Variants in NSD2 observed in about 807,000 individuals in gnomAD.
NSD2 encodes histone-lysine N-methyltransferase NSD2.
A neutral mutation model predicts 139.0 loss-of-function variants in NSD2; 12 were observed. The observed-to-expected ratio is 0.09, with a 90% CI of 0.06 to 0.14. The LOEUF is 0.14. Among genes scored for constraint, NSD2 ranks in the 10% least tolerant of loss-of-function variants. NSD2 has a pLI of 1.00. For synonymous variants in NSD2, 669 were observed against 648.7 expected, an observed-to-expected ratio of 1.03 and a Z score of -0.48; for missense variants, 1,155 against 1,745.0, an observed-to-expected ratio of 0.66 and a Z score of 6.02.
intron 5 of NSD2, among the ~76,000 whole-genome samples, chr4:1,923,614 T>C (rs1577450898): frequency 6.6e-6 from 1 of 152,356 alleles, no homozygotes; most frequent in South Asian, 2.1e-4. Context: ...CATACAATGC[T>C]GGTGAAACAT....
chr4:1,955,766 C>A lies in NSD2; in HGVS notation c.2592C>A (p.Asp864Glu). The change falls in exon 14 of 22, where the codon GAC (aspartate) becomes GAA (glutamate). Residue 864 changes from aspartate (D) to glutamate (E), a missense_variant. Physicochemically the swap from Asp to Glu is conservative, Grantham distance 45. Coordinates refer to ENST00000508803, the MANE Select transcript of NSD2 (RefSeq NM_001042424.3). This position sits in a 1 kb window ranked among gnomAD's most constrained non-coding sequence, Gnocchi z 4.7. ...ACTGCCTGAACATCGAGATGCCTGA[C>A]GGCAGCTGGTTCTGCAATGACTGCA... Reference protein sequence around the residue: ...HPDCLNIEMPDGSWFCNDCRA... With the variant: ...HPDCLNIEMPEGSWFCNDCRA... 6.2e-7 allele frequency: 1 copy of A among 1,614,102 alleles called. No individual in the cohort carries two copies. The highest frequency in any genetic ancestry group is 8.5e-7 in the Non-Finnish European group (1 of 1,179,988).
intron 5 of NSD2, among the ~76,000 whole-genome samples, chr4:1,925,706 C>T (rs936575130): frequency 6.6e-6 from 1 of 151,752 alleles, no homozygotes; most frequent in African/African-American, 2.4e-5. Context: ...GCCTAGAGGT[C>T]ACTTTCTAGC....
intron 1 of NSD2, chr4:1,892,679 C>T (rs1715683976): frequency 1.3e-5 from 2 of 152,086 alleles, no homozygotes; most frequent in Admixed American, 1.3e-4. Flanking sequence ...AGCGATTCTC[C>T]TGCCTCAGCC....
chr4:1,938,596 G>GGGGGGGGGGGGGGGGGGC, intron 8 of NSD2, 64 bp downstream of exon 8: 1 of 760,494 alleles, frequency 1.3e-6, no homozygotes. Flanking sequence ...GGGTGGGTGG[G>GGGGGGGGGGGGGGGGGGC]CTGAGAGTGT....
At position 1,918,514 on chromosome 4, in the gene NSD2, G is replaced by C. The variant is rs1719709300; in HGVS notation, c.1301G>C (p.Gly434Ala). The change falls in exon 5 of 22, where the codon GGA (glycine) becomes GCA (alanine). Residue 434 changes from glycine to alanine, a missense_variant. Physicochemically the swap from Gly to Ala is moderately conservative, Grantham distance 60. Coordinates refer to ENST00000508803, the MANE Select transcript of NSD2 (RefSeq NM_001042424.3). ...QKTAEADPRR[G>A]VGSPPGRKKT... Reference sequence around the variant, plus strand: ...ACGGCAGAGGCTGACCCCAGAAGAGGAGTAGGGTCTCCTCCTGGGAGGAAG... The same window carrying C: ...ACGGCAGAGGCTGACCCCAGAAGAGCAGTAGGGTCTCCTCCTGGGAGGAAG... 1 of 1,613,856 alleles carries C rather than the reference G, an allele frequency of 6.2e-7. No homozygotes were observed.
Position 1,981,993 on chromosome 4 carries a change from A to AGATT in NSD2, c.*3085_*3088dup. 1 of 398,604 alleles carries AGATT rather than the reference A, an allele frequency of 2.5e-6. No individual in the cohort carries two copies. The highest frequency in any genetic ancestry group is 3.6e-5 in the East Asian group (1 of 28,086). The allele number at this position is 398,604 out of a possible 1,614,324, so 24.7% of individuals were successfully genotyped here. A position where few individuals can be genotyped will look rare whatever the true frequency, so the allele number is the denominator to read the frequency against. On this transcript the variant is annotated 3_prime_UTR_variant, in exon 22 of 22. Transcript: ENST00000508803. ...TCTAAACTTCATACAATGTAAGGTC[A>AGATT]GATTCCTTTTAGGAATACTGGGTGC... is the stretch of plus-strand genomic sequence containing the variant.
At chr4:1,937,163 T>C (rs1446417892) in intron 7 of NSD2, among the ~76,000 whole-genome samples, 1 of 152,128 alleles carries the variant, frequency 6.6e-6, no homozygotes, top group East Asian at 1.9e-4. Context: ...GTGATTCTCC[T>C]GCCTCAGACT....
intron 1 of NSD2, among the ~76,000 whole-genome samples, chr4:1,883,118 G>T (rs1714824689): frequency 6.6e-6 from 1 of 152,192 alleles, no homozygotes; most frequent in Admixed American, 6.5e-5. Flanking sequence ...TCTGGTGCCA[G>T]TGATAGCCCT....
intron 1 of NSD2, among the ~76,000 whole-genome samples, chr4:1,879,018 C>T (rs1714508311): frequency 6.6e-6 from 1 of 152,092 alleles, no homozygotes. Flanking sequence ...GGCCTCGCTT[C>T]TGACCTACCT....
chr4:1,945,640 C>T, intron 9 of NSD2: 1 of 1,064,222 alleles, frequency 9.4e-7, no homozygotes, highest in Non-Finnish European at 1.1e-6. Flanking sequence ...TCCTCTGTGT[C>T]CCGGCATGGA....
At chr4:1,902,457 C>T (rs1023104317) in intron 2 of NSD2, among the ~76,000 whole-genome samples, 1 of 152,062 alleles carries the variant, frequency 6.6e-6, no homozygotes, top group Non-Finnish European at 1.5e-5. Flanking sequence ...CCCCTGGGCT[C>T]AAACGATCCT....
intron 9 of NSD2, chr4:1,945,853 A>G: frequency 9.4e-7 from 1 of 1,062,044 alleles, no homozygotes; most frequent in Non-Finnish European, 1.1e-6. Flanking sequence ...TAGATGAAAA[A>G]TAAGGTCGTT....
intron 1 of NSD2, among the ~76,000 whole-genome samples, chr4:1,894,131 A>AT (rs1231640351): frequency 2.0e-5 from 3 of 151,258 alleles, no homozygotes; most frequent in Non-Finnish European, 2.9e-5. Flanking sequence ...TAAATTTAAA[A>AT]TTTTTTGTAG....
chr4:1,898,666 AAAAAAC>A (rs1716735658), intron 1 of NSD2, among the ~76,000 whole-genome samples: 1 of 145,250 alleles, frequency 6.9e-6, no homozygotes, highest in African/African-American at 2.6e-5. Context: ...TCTAAAAAAA[AAAAAAC>A]AAAAAACAAA....
chr4:1,939,977 T>C, intron 9 of NSD2, 199 bp downstream of exon 9: 1 of 1,434,246 alleles, frequency 7.0e-7, no homozygotes, highest in African/African-American at 1.4e-5. Context: ...TTTGAGCACT[T>C]TTTATACACA....
rs1164126301 is a variant in NSD2, at chr4:1,973,694, G to T, written c.3373-1169G>T. On this transcript the variant is annotated intron_variant, in intron 18 of 21. Transcript: ENST00000508803. This position sits in a 1 kb window ranked among gnomAD's most constrained non-coding sequence, Gnocchi z 5.5. ...GGGAGATTGCACCAGGGCTGGGTGC[G>T]TGGGCAGTTGTGTCAGAGGCCGCGT... is the stretch of plus-strand genomic sequence containing the variant. Among the ~76,000 whole-genome samples, 1 of 152,258 alleles carries T rather than the reference G, an allele frequency of 6.6e-6. No individual in the cohort carries two copies. Among genetic ancestry groups the T allele is most frequent in the Admixed American group, 6.5e-5 (1 of 15,294 alleles).
chr4:1,933,590 T>A (rs997986782), intron 6 of NSD2, among the ~76,000 whole-genome samples: 1 of 151,968 alleles, frequency 6.6e-6, no homozygotes, highest in African/African-American at 2.4e-5. Flanking sequence ...GAGACGGGGT[T>A]TCACTCTGTT....
At position 1,973,643 on chromosome 4, in the gene NSD2, C is replaced by A. The variant is rs1317370517; in HGVS notation, c.3373-1220C>A. On this transcript the variant is annotated intron_variant, in intron 18 of 21. Coordinates refer to ENST00000508803, the MANE Select transcript of NSD2 (RefSeq NM_001042424.3). This position sits in a 1 kb window ranked among gnomAD's most constrained non-coding sequence, Gnocchi z 5.5. Reference sequence around the variant, plus strand: ...GTGGGTATGTAGAAAGGACACGGGGCCAGCGGTCCCAGACAGGGGCACCCT... The same window carrying A: ...GTGGGTATGTAGAAAGGACACGGGGACAGCGGTCCCAGACAGGGGCACCCT... Among the ~76,000 whole-genome samples, 3 of 152,248 alleles carry A rather than the reference C, an allele frequency of 2.0e-5. No homozygotes were observed. The East Asian group carries it at 5.8e-4, about 29-fold the overall frequency.
chr4:1,888,294 C>G (rs988088544), intron 1 of NSD2, among the ~76,000 whole-genome samples: 1 of 150,882 alleles, frequency 6.6e-6, no homozygotes. Context: ...CACCTGTAAT[C>G]CTAGCTACTC....
Sources: gnomAD v4.1 joint callset for allele counts (sites outside exome capture counted in the v4.1 genomes callset) on GRCh38, gnomAD v4.1.1 for gene constraint, Gnocchi (gnomAD v3.1) non-coding constraint, MANE v1.5 for transcripts, NCBI Gene and HGNC (gene_info 2026-07-23, HGNC 2026-07-21) for gene names.